The following AGBL2 variants were observed in gnomAD, a reference collection of about 807,000 sequenced individuals.
The protein encoded by AGBL2 is AGBL carboxypeptidase 2.
AGBL2 carries 87 observed loss-of-function variants against 103.0 expected under a neutral mutation model. That is an observed-to-expected ratio of 0.84 (90% CI 0.71 to 1.01). The LOEUF (loss-of-function observed/expected upper bound fraction) is 1.01, where lower values mean the gene tolerates loss of function less well. AGBL2 is among the 50% of genes least tolerant of loss of function. AGBL2 has a pLI of 0.00. For synonymous variants in AGBL2, 335 were observed against 356.7 expected (o/e 0.94, Z 0.69); for missense variants, 904 against 1,023.5 (o/e 0.88, Z 1.59).
chr11:47,674,436 G>A (rs1027233996), intron 14 of AGBL2, among the ~76,000 whole-genome samples: 2 of 151,724 alleles, frequency 1.3e-5, no homozygotes. Context: ...GCGTGGTGGC[G>A]TGCACCTGTA....
intron 8 of AGBL2, among the ~76,000 whole-genome samples, chr11:47,694,230 A>G (rs1010047967): frequency 4.8e-5 from 4 of 83,982 alleles, no homozygotes; most frequent in African/African-American, 1.2e-4. Context: ...CTCCCAAGCC[A>G]AAAAAAAAAA....
chr11:47,678,441 C>T (rs988809433), intron 13 of AGBL2, among the ~76,000 whole-genome samples: 17 of 150,608 alleles, frequency 1.1e-4, no homozygotes, highest in African/African-American at 4.1e-4. Flanking sequence ...TCAAGTGTTT[C>T]TCCTGCCTCA....
At chr11:47,713,455 G>A (rs2097541406) in intron 3 of AGBL2, among the ~76,000 whole-genome samples, 1 of 150,902 alleles carries the variant, frequency 6.6e-6, no homozygotes, top group Non-Finnish European at 1.5e-5. Flanking sequence ...AACCTGGGAG[G>A]CAGAGGTTGC....
chr11:47,670,434 G>A (rs1002452793), intron 14 of AGBL2, among the ~76,000 whole-genome samples: 9 of 151,932 alleles, frequency 5.9e-5, no homozygotes, highest in Admixed American at 2.0e-4. Context: ...GCAGTGAGCC[G>A]AGATTGTGCC....
chr11:47,664,145 G>C (rs889692075), intron 17 of AGBL2, among the ~76,000 whole-genome samples: 1 of 152,148 alleles, frequency 6.6e-6, no homozygotes, highest in Non-Finnish European at 1.5e-5. Flanking sequence ...GTGAGTCACC[G>C]TGCCTGGGCA....
At chr11:47,697,759 G>T (rs2097481621) in intron 8 of AGBL2, among the ~76,000 whole-genome samples, 1 of 150,676 alleles carries the variant, frequency 6.6e-6, no homozygotes, top group South Asian at 2.1e-4. Flanking sequence ...TGTTAGCCAG[G>T]ATGGTCTCAA....
At chr11:47,678,565 A>G (rs2097387638) in intron 13 of AGBL2, among the ~76,000 whole-genome samples, 1 of 150,236 alleles carries the variant, frequency 6.7e-6, no homozygotes, top group Admixed American at 6.7e-5. Context: ...CGAACTCCTG[A>G]CCTTGTGATT....
chr11:47,678,330 A>ATTATTTTTTTTTTTTTT (rs1565026506), intron 13 of AGBL2, among the ~76,000 whole-genome samples: 9 of 114,504 alleles, frequency 7.9e-5, no homozygotes, highest in South Asian at 4.1e-4. Flanking sequence ...ATTTTATTTT[A>ATTATTTTTTTTTTTTTT]TTTTATTATT....
intron 3 of AGBL2, 163 bp downstream of exon 3, chr11:47,714,113 CCCGCAGAT>C (rs2097543461): frequency 3.3e-6 from 2 of 598,936 alleles, no homozygotes; most frequent in African/African-American, 3.7e-5. Flanking sequence ...ACAGAGGTGA[CCCGCAGAT>C]CAATGGGGAA....
chr11:47,708,288 G>A (rs1031384939), intron 4 of AGBL2, among the ~76,000 whole-genome samples: 6 of 151,354 alleles, frequency 4.0e-5, no homozygotes, highest in East Asian at 2.0e-4. Context: ...GGCTGGCTTC[G>A]AACTCCTGAC....
chr11:47,664,277 C>T (rs4752858), intron 17 of AGBL2, among the ~76,000 whole-genome samples: 90,207 of 151,846 alleles, frequency 0.59, 27,128 homozygotes, highest in Admixed American at 0.65. Flanking sequence ...GACAAAGTCT[C>T]ACTATGTCAT....
At chr11:47,696,191 A>G (rs2097472725) in intron 8 of AGBL2, among the ~76,000 whole-genome samples, 1 of 150,916 alleles carries the variant, frequency 6.6e-6, no homozygotes, top group Non-Finnish European at 1.5e-5. Context: ...GTCTCAAAAA[A>G]AAAAAAAAAA....
rs779845837 is a variant in AGBL2 at position 47,666,769 on chromosome 11, C to T, written c.2448+187G>A. 3.2e-5 allele frequency: 20 copies of T among 634,656 alleles called. No individual in the cohort carries two copies. The Middle Eastern group carries it at 9.8e-4, about 31-fold the overall frequency. 39.3% of individuals were successfully genotyped at this position (634,656 alleles called of 1,614,324 possible). On this transcript the variant is annotated intron_variant, in intron 17 of 18. Transcript: ENST00000525123. Reference sequence around the variant, plus strand: ...CAAATCACCAATATTTGATTCCAGACTTCAGTCATGTCTAATCCAAAGCAG... The same window carrying T: ...CAAATCACCAATATTTGATTCCAGATTTCAGTCATGTCTAATCCAAAGCAG...
intron 10 of AGBL2, among the ~76,000 whole-genome samples, chr11:47,689,538 C>G (rs1312032184): frequency 3.3e-5 from 5 of 152,060 alleles, no homozygotes; most frequent in Non-Finnish European, 7.4e-5. Context: ...CTCCTGACCC[C>G]AGGTAATCCG....
At position 47,659,648 on chromosome 11, in the gene AGBL2, T is replaced by C. The variant is rs1181741270; in HGVS notation, c.*525A>G. 1 of 152,206 alleles carries C rather than the reference T, an allele frequency of 6.6e-6. No individual in the cohort carries two copies. Among genetic ancestry groups the C allele is most frequent in the Non-Finnish European group, 1.5e-5 (1 of 68,056 alleles). 9.4% of individuals were successfully genotyped at this position (152,206 alleles called of 1,614,324 possible). A position where few individuals can be genotyped will look rare whatever the true frequency, so the allele number is the denominator to read the frequency against. ...AAAAATTACAAAACCTCATTGAACA[T>C]AAGGTACGCAACATTAAATTCTGGG... On this transcript the variant is annotated 3_prime_UTR_variant, in exon 19 of 19. Transcript: ENST00000525123.
At chr11:47,666,229 A>G (rs2097340933) in intron 17 of AGBL2, among the ~76,000 whole-genome samples, 1 of 151,660 alleles carries the variant, frequency 6.6e-6, no homozygotes, top group Admixed American at 6.6e-5. Flanking sequence ...CCCTGTCTCT[A>G]CTAAAAATAC....
intron 7 of AGBL2, among the ~76,000 whole-genome samples, chr11:47,703,176 A>G (rs915853811): frequency 2.0e-5 from 3 of 152,116 alleles, no homozygotes; most frequent in African/African-American, 7.2e-5. Context: ...ATGTCGTGGT[A>G]TATGTAGTCT....
At chr11:47,685,743 C>A in intron 11 of AGBL2, 150 bp downstream of exon 11, 1 of 867,788 alleles carries the variant, frequency 1.2e-6, no homozygotes, top group Non-Finnish European at 1.7e-6. Context: ...CTTAAAACCA[C>A]GCTTTTCTAA....
intron 8 of AGBL2, among the ~76,000 whole-genome samples, chr11:47,698,093 C>T (rs2097483405): frequency 6.6e-6 from 1 of 150,534 alleles, no homozygotes; most frequent in African/African-American, 2.5e-5. Context: ...AACTGCCGAC[C>T]TCAGGTGATC....
Sources: allele counts gnomAD v4.1 joint callset (sites outside exome capture counted in the v4.1 genomes callset), GRCh38; gene constraint gnomAD v4.1.1; transcripts MANE v1.5; gene names NCBI Gene and HGNC (gene_info 2026-07-23, HGNC 2026-07-21).